DGKB: variants seen among roughly 807,000 people sequenced by gnomAD.
The protein encoded by DGKB is diacylglycerol kinase beta, also known as 90 kDa diacylglycerol kinase.
DGKB carries 67 observed loss-of-function variants against 114.3 expected under a neutral mutation model. That is an observed-to-expected ratio of 0.59 (90% CI 0.48 to 0.72). DGKB has a LOEUF of 0.72. Ranked by LOEUF, DGKB falls within the 30% of genes least tolerant of loss-of-function variation. The pLI is 0.00. For missense variants in DGKB, 907 were observed against 975.2 expected (o/e 0.93, Z 0.93); for synonymous variants, 398 against 323.1 (o/e 1.23, Z -2.49).
At chr7:14,808,238 T>C (rs1247514787) in intron 2 of DGKB, among the ~76,000 whole-genome samples, 1 of 151,960 alleles carries the variant, frequency 6.6e-6, no homozygotes, top group Non-Finnish European at 1.5e-5. Flanking sequence ...AAAATACTAA[T>C]CCCAAAGGTG....
chr7:14,806,318 C>A (rs1214025428), intron 2 of DGKB, among the ~76,000 whole-genome samples: 1 of 152,012 alleles, frequency 6.6e-6, no homozygotes, highest in East Asian at 1.9e-4. Context: ...TATTACCTCA[C>A]ATTGTACTAT....
intron 2 of DGKB, among the ~76,000 whole-genome samples, chr7:14,773,547 T>C (rs1402181514): frequency 3.9e-5 from 6 of 151,956 alleles, no homozygotes; most frequent in Non-Finnish European, 8.8e-5. Context: ...AAAATAGCAT[T>C]GTAAGTTAAC....
intron 25 of DGKB, among the ~76,000 whole-genome samples, chr7:14,163,137 A>T (rs1784144374): frequency 1.3e-5 from 2 of 152,212 alleles, no homozygotes; most frequent in Admixed American, 1.3e-4. Context: ...AGAGACACCT[A>T]AAGATGACAC....
intron 8 of DGKB, among the ~76,000 whole-genome samples, chr7:14,696,398 G>C (rs1447009877): frequency 6.6e-6 from 1 of 151,386 alleles, no homozygotes; most frequent in African/African-American, 2.4e-5. Context: ...GGGAGGCTGA[G>C]GCAGGAGAAT....
At chr7:14,417,336 C>T (rs1191883975) in intron 21 of DGKB, among the ~76,000 whole-genome samples, 1 of 151,938 alleles carries the variant, frequency 6.6e-6, no homozygotes, top group Non-Finnish European at 1.5e-5. Context: ...AAATAACTAG[C>T]AACTTTAATG....
At chr7:14,228,907 T>TGTGTGTGTGTG (rs774888930) in intron 23 of DGKB, among the ~76,000 whole-genome samples, 5 of 151,572 alleles carry the variant, frequency 3.3e-5, no homozygotes, top group Admixed American at 1.3e-4. Flanking sequence ...TGTGTGTGTG[T>TGTGTGTGTGTG]TCAAAAATAA....
rs551265482 is a variant in DGKB, at chr7:14,467,905, A to G, written c.1835+10256T>C. Among the ~76,000 whole-genome samples, 8 of 152,234 alleles carry G rather than the reference A, an allele frequency of 5.3e-5. 1 individual carries two copies. The highest frequency in any genetic ancestry group is 4.6e-4 in the Admixed American group (7 of 15,280). On this transcript the variant is annotated intron_variant, in intron 21 of 25. Coordinates refer to ENST00000402815, the MANE Select transcript of DGKB (RefSeq NM_001350709.2). ...TAATGAGGTGATTAACCTCTTTGGA[A>G]AAAGTTCAAGCCAGGCTTACCTTCT...
At chr7:14,327,120 G>A (rs1002564460) in intron 23 of DGKB, among the ~76,000 whole-genome samples, 1 of 151,942 alleles carries the variant, frequency 6.6e-6, no homozygotes, top group Non-Finnish European at 1.5e-5. Context: ...AATGGCTCTT[G>A]AATTGCAACG....
At chr7:14,812,843 T>A (rs1843622148) in intron 2 of DGKB, among the ~76,000 whole-genome samples, 1 of 152,200 alleles carries the variant, frequency 6.6e-6, no homozygotes, top group Admixed American at 6.5e-5. Flanking sequence ...AATTTAGCCC[T>A]ATGAAACTGC....
intron 23 of DGKB, among the ~76,000 whole-genome samples, chr7:14,234,199 G>T (rs1041776208): frequency 2.0e-5 from 3 of 151,952 alleles, no homozygotes; most frequent in Admixed American, 1.3e-4. Flanking sequence ...AAAGATAAAA[G>T]AATCCTCTCC....
At chr7:14,466,216 G>T (rs1409677019) in intron 21 of DGKB, among the ~76,000 whole-genome samples, 1 of 152,072 alleles carries the variant, frequency 6.6e-6, no homozygotes, top group African/African-American at 2.4e-5. Flanking sequence ...TGAGTGCCTA[G>T]GAGCACTCAA....
At chr7:14,645,514 A>T (rs1290300268) in intron 13 of DGKB, among the ~76,000 whole-genome samples, 6 of 152,056 alleles carry the variant, frequency 3.9e-5, no homozygotes, top group Non-Finnish European at 8.8e-5. Flanking sequence ...CACTCACTGA[A>T]CTGTGGAAGC....
chr7:14,282,529 T>C (rs940735619), intron 23 of DGKB, among the ~76,000 whole-genome samples: 17 of 152,170 alleles, frequency 1.1e-4, no homozygotes, highest in African/African-American at 3.9e-4. Flanking sequence ...AGCATCATTC[T>C]GATACCAAAG....
intron 1 of DGKB, among the ~76,000 whole-genome samples, chr7:14,941,406 A>G (rs1266994841): frequency 6.6e-6 from 1 of 152,098 alleles, no homozygotes; most frequent in Non-Finnish European, 1.5e-5. Flanking sequence ...AGCTGAATGA[A>G]TTGAATAGGA....
chr7:14,460,110 G>T (rs1460857267), intron 21 of DGKB, among the ~76,000 whole-genome samples: 1 of 152,126 alleles, frequency 6.6e-6, no homozygotes, highest in African/African-American at 2.4e-5. Flanking sequence ...ACTAAATATG[G>T]AAAGGAAAAA....
chr7:14,931,112 ATTT>A (rs543630712), intron 1 of DGKB, among the ~76,000 whole-genome samples: 3 of 136,660 alleles, frequency 2.2e-5, no homozygotes, highest in Non-Finnish European at 3.2e-5. Context: ...GTTTGCTAGT[ATTT>A]TTTTTTTTTT....
At chr7:14,909,280 T>C (rs1783864921) in intron 1 of DGKB, among the ~76,000 whole-genome samples, 2 of 152,172 alleles carry the variant, frequency 1.3e-5, no homozygotes, top group African/African-American at 4.8e-5. Flanking sequence ...ATTATAACCA[T>C]ATTTTAAAAT....
intron 2 of DGKB, among the ~76,000 whole-genome samples, chr7:14,795,587 G>C (rs114949267): frequency 1.8e-3 from 274 of 152,254 alleles, no homozygotes; most frequent in African/African-American, 5.8e-3. Context: ...CCAGACCTCA[G>C]AGTGGGAACT....
At position 14,828,104 on chromosome 7, in the gene DGKB, C is replaced by A. The variant is rs543191385; in HGVS notation, c.70+13090G>T. 3.9e-5 allele frequency among the ~76,000 whole-genome samples: 6 copies of A among 152,126 alleles called. No individual in the cohort carries two copies. The South Asian group carries it at 1.0e-3, about 26-fold the overall frequency. Reference sequence around the variant, plus strand: ...CCAAGATACATATGCAAGTTCTTAACAACCTAGACAAGAGCAGATAAAATA... The same window carrying A: ...CCAAGATACATATGCAAGTTCTTAAAAACCTAGACAAGAGCAGATAAAATA... On this transcript the variant is annotated intron_variant, in intron 2 of 25. Coordinates refer to ENST00000402815, the MANE Select transcript of DGKB (RefSeq NM_001350709.2).
Sources: gnomAD v4.1 joint callset for allele counts (sites outside exome capture counted in the v4.1 genomes callset) on GRCh38, gnomAD v4.1.1 for gene constraint, MANE v1.5 for transcripts, NCBI Gene and HGNC (gene_info 2026-07-23, HGNC 2026-07-21) for gene names.